Variants in PDE11A observed in about 807,000 individuals in gnomAD.
The protein encoded by PDE11A is dual 3',5'-cyclic-AMP and -GMP phosphodiesterase 11A.
Under a neutral mutation model 100.5 loss-of-function variants are expected in PDE11A, and 100 were observed. The ratio of observed to expected loss-of-function variants is 1.00; its 90% CI spans 0.85 to 1.18. PDE11A has a LOEUF of 1.18. PDE11A is among the 50% of genes most tolerant of loss of function. The probability of loss-of-function intolerance (pLI) is 0.00; values close to 1 mark genes in which losing one functional copy is unlikely to be tolerated. For missense variants in PDE11A, 1,141 were observed against 1,152.6 expected (o/e 0.99, Z 0.15); for synonymous variants, 381 against 420.8 (o/e 0.91, Z 1.16).
At chr2:177,690,547 T>C (rs2081027185) in intron 15 of PDE11A, among the ~76,000 whole-genome samples, 1 of 152,256 alleles carries the variant, frequency 6.6e-6, no homozygotes, top group Non-Finnish European at 1.5e-5. Context: ...TTAAAAGAAT[T>C]GGTCAAACTA....
Position 177,775,534 on chromosome 2 carries a change from C to A in PDE11A, c.1738-6161G>T, listed in dbSNP as rs138891032. Among the ~76,000 whole-genome samples the A allele has an allele frequency of 3.2e-3, 481 of 152,280 alleles. 5 individuals carry two copies. The highest frequency in any genetic ancestry group is 0.011 in the African/African-American group (447 of 41,552). ...AAATCTCAGGTTCATGAGGTTAGGT[C>A]CAAAGCCTGGATCGTGACTGGACAG... On this transcript the variant is annotated intron_variant, in intron 9 of 19. Transcript: ENST00000286063.
In PDE11A at chr2:177,950,234, T is replaced by C. The variant is rs183178440; in HGVS notation, c.1072-45047A>G. On this transcript the variant is annotated intron_variant, in intron 2 of 19. Transcript: ENST00000286063. ...TGTTCTCTCCTTCCCATTTTTTTTT[T>C]GCACCTTTTCCAGACTCTCCAGAGC... Among the ~76,000 whole-genome samples the C allele has an allele frequency of 4.0e-3, 614 of 152,172 alleles. 3 individuals are homozygous for C. The highest frequency in any genetic ancestry group is 0.034 in the Middle Eastern group (10 of 294).
chr2:177,639,530 G>A (rs538753673), intron 19 of PDE11A, among the ~76,000 whole-genome samples: 1 of 152,290 alleles, frequency 6.6e-6, no homozygotes, highest in Admixed American at 6.5e-5. Context: ...GGCTGAGAGT[G>A]GGGTTAGGAT....
intron 15 of PDE11A, among the ~76,000 whole-genome samples, chr2:177,695,789 C>A (rs2081103005): frequency 6.6e-6 from 1 of 152,200 alleles, no homozygotes; most frequent in Non-Finnish European, 1.5e-5. Context: ...TCTCTTTGAG[C>A]TTTTCGTGTC....
chr2:178,027,412 C>A (rs2086491292), intron 1 of PDE11A, among the ~76,000 whole-genome samples: 1 of 152,088 alleles, frequency 6.6e-6, no homozygotes. Flanking sequence ...TCTAAGACAG[C>A]ACAATAGTTT....
At chr2:177,630,327 C>T (rs1364341089) in intron 19 of PDE11A, among the ~76,000 whole-genome samples, 1 of 152,116 alleles carries the variant, frequency 6.6e-6, no homozygotes, top group African/African-American at 2.4e-5. Flanking sequence ...TTTAAGAGTC[C>T]TCCTGTTCCC....
intron 6 of PDE11A, among the ~76,000 whole-genome samples, chr2:177,829,956 C>A (rs187796683): frequency 1.3e-5 from 2 of 152,082 alleles, no homozygotes; most frequent in East Asian, 1.9e-4. Context: ...TAAGCCACTC[C>A]GGACATGAGG....
intron 10 of PDE11A, among the ~76,000 whole-genome samples, chr2:177,741,154 ATT>A (rs914925873): frequency 1.2e-4 from 19 of 152,174 alleles, no homozygotes; most frequent in African/African-American, 2.9e-4. Context: ...ACAGAAATTT[ATT>A]TTCCCACAGT....
chr2:177,885,495 T>C (rs1285030559), intron 4 of PDE11A, among the ~76,000 whole-genome samples: 1 of 152,084 alleles, frequency 6.6e-6, no homozygotes, highest in Non-Finnish European at 1.5e-5. Context: ...CAATAATAGT[T>C]TGGGTAATCA....
At chr2:177,760,430 T>A (rs560822025) in intron 10 of PDE11A, among the ~76,000 whole-genome samples, 2 of 152,308 alleles carry the variant, frequency 1.3e-5, no homozygotes, top group South Asian at 4.1e-4. Context: ...CTTTGGAAAT[T>A]ACTTATATGT....
chr2:178,023,427 T>C (rs957692262), intron 1 of PDE11A, among the ~76,000 whole-genome samples: 3 of 152,160 alleles, frequency 2.0e-5, no homozygotes, highest in African/African-American at 4.8e-5. Context: ...AGATTCAGAG[T>C]TGAGAATCTT....
chr2:177,920,987 G>A (rs542705817), intron 2 of PDE11A, among the ~76,000 whole-genome samples: 25 of 151,568 alleles, frequency 1.6e-4, no homozygotes, highest in Non-Finnish European at 2.9e-4. Context: ...GTGTGAACCC[G>A]GGAGGCAGAG....
chr2:177,994,578 T>C (rs187086542), intron 2 of PDE11A, among the ~76,000 whole-genome samples: 13 of 152,318 alleles, frequency 8.5e-5, no homozygotes, highest in Admixed American at 7.2e-4. Flanking sequence ...CTGATCCTAG[T>C]GAAGATGTAA....
chr2:177,711,651 C>A (rs1484671870), intron 13 of PDE11A, 118 bp downstream of exon 13: 2 of 714,424 alleles, frequency 2.8e-6, no homozygotes, highest in Non-Finnish European at 2.6e-6. Flanking sequence ...CACGCCCAAG[C>A]CTGCATGGCC....
intron 2 of PDE11A, among the ~76,000 whole-genome samples, chr2:177,921,139 TTTTTTTTAAATTGACAATATCCCAAA>T (rs2085038312): frequency 6.6e-6 from 1 of 151,140 alleles, no homozygotes; most frequent in South Asian, 2.1e-4. Flanking sequence ...ATGTACAAGG[TTTTTTTTAAATTGACAATATCCCAAA>T]CATCGCAAGA....
At position 177,758,132 on chromosome 2, in the gene PDE11A, T is replaced by TAA. The variant is rs57702277; in HGVS notation, c.1788+11189_1788+11190dup. Among the ~76,000 whole-genome samples the TAA allele has an allele frequency of 1.5e-3, 202 of 133,332 alleles. No homozygotes were observed. In the East Asian group the frequency reaches 0.027, roughly 18 times the overall value. The allele number at this position is 133,332 out of a possible 152,430, so 87.5% of individuals were successfully genotyped here. On this transcript the variant is annotated intron_variant, in intron 10 of 19. Transcript: ENST00000286063. ...TAACACGGTGAAACCCCATCTCTAC[T>TAA]AAAAAAAAAAAAAAATTAGCCAGGC... is the stretch of plus-strand genomic sequence containing the variant.
chr2:178,068,940 T>C (rs531947959), intron 1 of PDE11A, among the ~76,000 whole-genome samples: 1 of 152,362 alleles, frequency 6.6e-6, no homozygotes, highest in African/African-American at 2.4e-5. Flanking sequence ...GATATTTTCA[T>C]GTTCCTTGAA....
chr2:177,712,618 T>G (rs1014305272), intron 12 of PDE11A, among the ~76,000 whole-genome samples: 1 of 152,200 alleles, frequency 6.6e-6, no homozygotes, highest in Non-Finnish European at 1.5e-5. Context: ...AGCTGTGATG[T>G]GATTTCTTTT....
At chr2:178,091,065 T>TTTTTA (rs1038799842) in intron 2 of PDE11A, among the ~76,000 whole-genome samples, 6 of 152,198 alleles carry the variant, frequency 3.9e-5, no homozygotes, top group African/African-American at 1.2e-4. Context: ...GCTAATATCT[T>TTTTTA]TTTTATTTTA....
Sources: allele counts gnomAD v4.1 joint callset (sites outside exome capture counted in the v4.1 genomes callset), GRCh38; gene constraint gnomAD v4.1.1; transcripts MANE v1.5; gene names NCBI Gene and HGNC (gene_info 2026-07-23, HGNC 2026-07-21).